CANX: variants seen among roughly 807,000 people sequenced by gnomAD.
CANX encodes the protein epididymis secretory sperm binding protein.
A neutral mutation model predicts 75.7 loss-of-function variants in CANX; 14 were observed. That is an observed-to-expected ratio of 0.19 (90% CI 0.12 to 0.29). The LOEUF (loss-of-function observed/expected upper bound fraction) is 0.29. Among genes scored for constraint, CANX ranks in the 10% least tolerant of loss-of-function variants. CANX has a pLI of 1.00. For missense variants in CANX, 567 were observed against 713.2 expected, an observed-to-expected ratio of 0.79 and a Z score of 2.34; for synonymous variants, 227 against 236.9, an observed-to-expected ratio of 0.96 and a Z score of 0.38.
chr5:179,696,523 G>A (rs182707836), upstream of CANX, among the ~76,000 whole-genome samples: 330 of 151,872 alleles, frequency 2.2e-3, 2 homozygotes, highest in Middle Eastern at 0.014. Flanking sequence ...TAATCCGCCC[G>A]CCTCAGCCTC....
intron 8 of CANX, among the ~76,000 whole-genome samples, chr5:179,718,344 C>T (rs1778097994): frequency 6.6e-6 from 1 of 151,662 alleles, no homozygotes; most frequent in Non-Finnish European, 1.5e-5. Flanking sequence ...ACTCGTGCCT[C>T]ACCCTCCAAG....
chr5:179,683,494 T>C (rs1368485279), intron 1 of CANX, among the ~76,000 whole-genome samples: 1 of 151,810 alleles, frequency 6.6e-6, no homozygotes, highest in African/African-American at 2.4e-5. Flanking sequence ...GTGAAATCAT[T>C]CCCAAAATCA....
intron 1 of CANX, among the ~76,000 whole-genome samples, chr5:179,686,073 A>G (rs1462093822): frequency 7.0e-6 from 1 of 143,812 alleles, no homozygotes; most frequent in African/African-American, 2.5e-5. Flanking sequence ...GGTATTTGTT[A>G]TCTATTTTGA....
intron 10 of CANX, among the ~76,000 whole-genome samples, chr5:179,721,826 A>G (rs1251783960): frequency 6.6e-6 from 1 of 152,114 alleles, no homozygotes; most frequent in Non-Finnish European, 1.5e-5. Context: ...TAATATATGT[A>G]TATACATATA....
intron 7 of CANX, among the ~76,000 whole-genome samples, chr5:179,714,315 G>A (rs958505755): frequency 1.3e-5 from 2 of 151,730 alleles, no homozygotes; most frequent in East Asian, 3.9e-4. Flanking sequence ...ACTGTGATTT[G>A]GTCATTACAC....
Position 179,708,233 on chromosome 5 carries a change from T to G in CANX, c.305-6T>G. On this transcript the variant is annotated splice_region_variant and splice_polypyrimidine_tract_variant and intron_variant, in intron 4 of 14. Transcript: ENST00000247461. ...AGCAGTGGAACTTTTTTGTGTTGTC[T>G]TGTAGGAAAGTGGGAGGTAGAGGAA... 1 of 1,613,360 alleles carries G rather than the reference T, an allele frequency of 6.2e-7. No individual in the cohort carries two copies. The highest frequency in any genetic ancestry group is 1.1e-5 in the South Asian group (1 of 91,056).
chr5:179,694,403 T>C, upstream of CANX: 1 of 625,998 alleles, frequency 1.6e-6, no homozygotes, highest in South Asian at 2.1e-5. Flanking sequence ...TGCACTGTGA[T>C]CGGGAAATGA....
At chr5:179,679,293 C>T (rs1489578765) in intron 1 of CANX, 4 of 1,496,686 alleles carry the variant, frequency 2.7e-6, no homozygotes, top group South Asian at 1.3e-5. Flanking sequence ...GGGTGAGCAG[C>T]GTGCTTGGTA....
Position 179,722,899 on chromosome 5 carries a change from G to A in CANX, c.1278G>A (p.Leu426=), listed in dbSNP as rs1411422468. The A allele has an allele frequency of 1.9e-6, 3 of 1,613,446 alleles. No individual in the cohort carries two copies. In the Admixed American group the frequency reaches 5.0e-5, roughly 27 times the overall value. Residue 426 remains leucine (L), a synonymous_variant, in exon 11 of 15, where the codon CTG becomes CTA. Transcript: ENST00000247461. The part of the protein sequence containing the change: ...MTPFSAIGLE[L]WSMTSDIFFD... ...CTTTTAGTGCTATTGGTTTGGAGCTGTGGTCCATGACCTCTGACATTTTTT... is the reference window on the plus strand; with the variant it reads ...CTTTTAGTGCTATTGGTTTGGAGCTATGGTCCATGACCTCTGACATTTTTT...
intron 6 of CANX, among the ~76,000 whole-genome samples, chr5:179,709,372 C>T (rs991326197): frequency 2.6e-5 from 4 of 151,878 alleles, no homozygotes; most frequent in East Asian, 1.9e-4. Flanking sequence ...CGAGATTGCG[C>T]CACTGCACTC....
At chr5:179,694,503 C>T (rs985594737), upstream of CANX, 17 of 753,280 alleles carry the variant, frequency 2.3e-5, no homozygotes, top group Middle Eastern at 3.4e-4. Flanking sequence ...TTCGGAAATC[C>T]GCCCCAAGAT....
intron 8 of CANX, among the ~76,000 whole-genome samples, chr5:179,719,267 G>T (rs1778159442): frequency 6.6e-6 from 1 of 152,140 alleles, no homozygotes; most frequent in Non-Finnish European, 1.5e-5. Flanking sequence ...GTTCTTTCCA[G>T]CATTTGTTTT....
Position 179,731,280 on chromosome 5 carries a change from C to A in CANX, c.*2636C>A, listed in dbSNP as rs1477672988. Among the ~76,000 whole-genome samples, 1 of 152,112 alleles carries A rather than the reference C, an allele frequency of 6.6e-6. No homozygotes were observed. The highest frequency in any genetic ancestry group is 1.9e-4 in the East Asian group (1 of 5,208). ...AATTTTTATTAGAAAATTATTTGTTCAGAATCAGACTCCATTATTTTACAT... is the reference window on the plus strand; with the variant it reads ...AATTTTTATTAGAAAATTATTTGTTAAGAATCAGACTCCATTATTTTACAT... On this transcript the variant is annotated 3_prime_UTR_variant, in exon 15 of 15. Transcript: ENST00000247461.
intron 14 of CANX, 125 bp from the exon 15 acceptor site, chr5:179,728,466 C>A (rs1473176914): frequency 1.6e-6 from 1 of 634,920 alleles, no homozygotes; most frequent in Non-Finnish European, 2.9e-6. Flanking sequence ...GCATTTTCTT[C>A]TCATCATTTT....
upstream of CANX, among the ~76,000 whole-genome samples, chr5:179,696,488 C>G (rs1294872365): frequency 6.6e-6 from 1 of 151,668 alleles, no homozygotes; most frequent in Non-Finnish European, 1.5e-5. Flanking sequence ...GTTGGCCATA[C>G]TGGTCTTGAA....
At chr5:179,696,675 G>A (rs546710721), upstream of CANX, among the ~76,000 whole-genome samples, 6 of 152,268 alleles carry the variant, frequency 3.9e-5, no homozygotes, top group South Asian at 1.2e-3. Context: ...GTTTGGCCAA[G>A]CTTACATGTA....
intron 7 of CANX, chr5:179,715,845 T>A: frequency 2.0e-6 from 1 of 504,188 alleles, no homozygotes; most frequent in Non-Finnish European, 3.6e-6. Flanking sequence ...TTAGTGTCTA[T>A]AAGTCAAGTC....
intron 1 of CANX, chr5:179,678,913 C>G (rs1459192955): frequency 2.0e-6 from 3 of 1,534,900 alleles, no homozygotes; most frequent in Non-Finnish European, 2.6e-6. Context: ...CGCCGCGGAA[C>G]ACGAAGGCCT....
At chr5:179,700,077 C>T (rs1389503048) in intron 1 of CANX, 1 of 152,124 alleles carries the variant, frequency 6.6e-6, no homozygotes, top group Non-Finnish European at 1.5e-5. Flanking sequence ...AATCTGAATG[C>T]CTTTGGACCA....
Sources: gnomAD v4.1 joint callset for allele counts (sites outside exome capture counted in the v4.1 genomes callset) on GRCh38, gnomAD v4.1.1 for gene constraint, MANE v1.5 for transcripts, NCBI Gene and HGNC (gene_info 2026-07-23, HGNC 2026-07-21) for gene names.